TSNAX: variants seen among roughly 807,000 people sequenced by gnomAD.
TSNAX encodes translin associated factor X.
A neutral mutation model predicts 33.0 loss-of-function variants in TSNAX; 12 were observed. That is an observed-to-expected ratio of 0.36 (90% CI 0.23 to 0.59). The LOEUF (loss-of-function observed/expected upper bound fraction) is 0.59, where lower values mean the gene tolerates loss of function less well. Ranked by LOEUF, TSNAX falls within the 20% of genes least tolerant of loss-of-function variation. The pLI is 0.74. For missense variants in TSNAX, 267 were observed against 341.3 expected (o/e 0.78, Z 1.72); for synonymous variants, 110 against 117.2 (o/e 0.94, Z 0.40).
intron 4 of TSNAX, among the ~76,000 whole-genome samples, chr1:231,560,498 T>A (rs1271029785): frequency 7.5e-6 from 1 of 132,886 alleles, no homozygotes; most frequent in East Asian, 2.4e-4. Flanking sequence ...CACTGCAACC[T>A]TCGGCTCCTG....
chr1:231,546,800 G>T (rs1469288934), intron 4 of TSNAX, among the ~76,000 whole-genome samples: 1 of 152,152 alleles, frequency 6.6e-6, no homozygotes, highest in Non-Finnish European at 1.5e-5. Context: ...TGCTCTCTGG[G>T]GCTCTGCTGT....
chr1:231,548,115 G>GT (rs1660065577), intron 4 of TSNAX, among the ~76,000 whole-genome samples: 1 of 152,184 alleles, frequency 6.6e-6, no homozygotes, highest in African/African-American at 2.4e-5. Context: ...TTACAGGCAT[G>GT]AGCCACCGCG....
At chr1:231,562,952 G>A (rs1661208307) in intron 5 of TSNAX, among the ~76,000 whole-genome samples, 1 of 152,170 alleles carries the variant, frequency 6.6e-6, no homozygotes, top group Non-Finnish European at 1.5e-5. Flanking sequence ...CATATTACCT[G>A]TGATGTTTCT....
intron 5 of TSNAX, among the ~76,000 whole-genome samples, chr1:231,562,867 A>C (rs1661203468): frequency 6.6e-6 from 1 of 152,168 alleles, no homozygotes; most frequent in Admixed American, 6.5e-5. Context: ...TTTGTGAAAA[A>C]TTTCAAACAT....
intron 3 of TSNAX, among the ~76,000 whole-genome samples, chr1:231,541,592 A>G (rs967912145): frequency 7.0e-5 from 8 of 114,620 alleles, no homozygotes; most frequent in African/African-American, 3.8e-4. Flanking sequence ...TAAAAATAAG[A>G]AAAATATTTA....
At chr1:231,548,474 G>A (rs1317915738) in intron 4 of TSNAX, among the ~76,000 whole-genome samples, 2 of 152,214 alleles carry the variant, frequency 1.3e-5, no homozygotes, top group African/African-American at 4.8e-5. Context: ...GCAGAGAGGT[G>A]AGGCAGTTGT....
In TSNAX at chr1:231,552,266, G is replaced by T. The variant is rs139718188; in HGVS notation, c.368-8862G>T. ...ATCGTGCCACTGTACTCCATCCTGG[G>T]CAACAGAGCCAGGTTGTCTCAGAAA... On this transcript the variant is annotated intron_variant, in intron 4 of 5. Coordinates refer to ENST00000366639, the MANE Select transcript of TSNAX (RefSeq NM_005999.3). Among the ~76,000 whole-genome samples, 7 of 152,162 alleles carry T rather than the reference G, an allele frequency of 4.6e-5. No homozygotes were observed. The East Asian group carries it at 1.2e-3, about 25-fold the overall frequency.
chr1:231,545,971 T>C (rs965132597), intron 4 of TSNAX, among the ~76,000 whole-genome samples: 4 of 152,230 alleles, frequency 2.6e-5, no homozygotes, highest in Non-Finnish European at 4.4e-5. Flanking sequence ...CTCTTAACTT[T>C]ACAACCTAAC....
At chr1:231,560,190 A>G (rs1478269665) in intron 4 of TSNAX, among the ~76,000 whole-genome samples, 1 of 151,664 alleles carries the variant, frequency 6.6e-6, no homozygotes, top group Non-Finnish European at 1.5e-5. Flanking sequence ...CATGTTAGCC[A>G]GGATGGTCTG....
At chr1:231,553,763 C>T (rs1362452441) in intron 4 of TSNAX, among the ~76,000 whole-genome samples, 1 of 151,342 alleles carries the variant, frequency 6.6e-6, no homozygotes, top group Non-Finnish European at 1.5e-5. Context: ...CTCGGCTCAC[C>T]ACAACCTCTG....
At chr1:231,557,661 T>A (rs1490731006) in intron 4 of TSNAX, among the ~76,000 whole-genome samples, 3 of 151,890 alleles carry the variant, frequency 2.0e-5, no homozygotes, top group Non-Finnish European at 4.4e-5. Context: ...TCTGTAAGAT[T>A]CAGTATAGAA....
chr1:231,545,779 G>C (rs1416613887), intron 4 of TSNAX, among the ~76,000 whole-genome samples: 1 of 152,152 alleles, frequency 6.6e-6, no homozygotes, highest in Non-Finnish European at 1.5e-5. Context: ...TTTTGGGCCA[G>C]TTAAGATATG....
chr1:231,549,262 G>A (rs1487204799), intron 4 of TSNAX, among the ~76,000 whole-genome samples: 1 of 152,144 alleles, frequency 6.6e-6, no homozygotes, highest in African/African-American at 2.4e-5. Flanking sequence ...TGACCAAAGT[G>A]ATGAAACCCC....
chr1:231,529,450 A>T (rs562858382), intron 2 of TSNAX, 91 bp downstream of exon 2: 1 of 1,318,146 alleles, frequency 7.6e-7, no homozygotes, highest in African/African-American at 1.5e-5. Flanking sequence ...TAAGAATTTA[A>T]TGTGAAACTT....
chr1:231,555,600 AAAT>A (rs1364226390), intron 4 of TSNAX, among the ~76,000 whole-genome samples: 1 of 152,192 alleles, frequency 6.6e-6, no homozygotes, highest in Non-Finnish European at 1.5e-5. Context: ...AACGGAGAAA[AAAT>A]AAAAATGAAA....
intron 4 of TSNAX, among the ~76,000 whole-genome samples, chr1:231,543,035 A>G (rs1446067739): frequency 6.6e-6 from 1 of 151,962 alleles, no homozygotes; most frequent in Non-Finnish European, 1.5e-5. Context: ...AAACTTAGCC[A>G]GGTGCGTTGG....
chr1:231,560,459 G>A (rs1436277514), intron 4 of TSNAX, among the ~76,000 whole-genome samples: 1 of 114,452 alleles, frequency 8.7e-6, no homozygotes, highest in Non-Finnish European at 1.6e-5. Context: ...TTGTCCCCCA[G>A]GCTGGAGTGC....
At chr1:231,539,176 G>A (rs912743897) in intron 3 of TSNAX, among the ~76,000 whole-genome samples, 5 of 151,960 alleles carry the variant, frequency 3.3e-5, no homozygotes, top group Admixed American at 6.6e-5. Flanking sequence ...ATCGAAAGAA[G>A]CAATACTGTT....
Position 231,566,171 on chromosome 1 carries a change from T to A in TSNAX, c.*1266T>A, listed in dbSNP as rs1572158181. The A allele has an allele frequency of 6.6e-6, 1 of 152,638 alleles. No individual in the cohort carries two copies. The highest frequency in any genetic ancestry group is 6.5e-5 in the Admixed American group (1 of 15,280). 9.5% of individuals were successfully genotyped at this position (152,638 alleles called of 1,614,324 possible). ...ATAATGAAGTTTTGAAATACTAAGT[T>A]AATCCAGACCTTTAGTTGTCCCATG... is the stretch of plus-strand genomic sequence containing the variant. On this transcript the variant is annotated 3_prime_UTR_variant, in exon 6 of 6. Coordinates refer to ENST00000366639, the MANE Select transcript of TSNAX (RefSeq NM_005999.3).
Sources: allele counts gnomAD v4.1 joint callset (sites outside exome capture counted in the v4.1 genomes callset), GRCh38; gene constraint gnomAD v4.1.1; transcripts MANE v1.5; gene names NCBI Gene and HGNC (gene_info 2026-07-23, HGNC 2026-07-21).